Variants in EXOC6 observed in about 807,000 individuals in gnomAD.
The protein encoded by EXOC6 is SEC15-like 1.
EXOC6 carries 60 observed loss-of-function variants against 112.5 expected under a neutral mutation model. That is an observed-to-expected ratio of 0.53 (90% CI 0.43 to 0.66). The LOEUF (loss-of-function observed/expected upper bound fraction) is 0.66. Among genes scored for constraint, EXOC6 ranks in the 30% least tolerant of loss-of-function variants. EXOC6 has a pLI of 0.00. For missense variants in EXOC6, 855 were observed against 957.1 expected (o/e 0.89, Z 1.41); for synonymous variants, 295 against 308.0 (o/e 0.96, Z 0.44).
At chr10:92,837,097 AACACACACACAC>A (rs58871930) in intron 1 of EXOC6, among the ~76,000 whole-genome samples, 58 of 139,854 alleles carry the variant, frequency 4.1e-4, no homozygotes, top group Middle Eastern at 3.7e-3. Context: ...GTTATAACAT[AACACACACACAC>A]ACACACACAC....
intron 1 of EXOC6, among the ~76,000 whole-genome samples, chr10:92,856,282 G>A (rs1847597624): frequency 6.6e-6 from 1 of 151,766 alleles, no homozygotes; most frequent in South Asian, 2.1e-4. Context: ...CCTTACGATG[G>A]AAGTTTGGGT....
chr10:92,920,377 G>C (rs1289490621), intron 8 of EXOC6, among the ~76,000 whole-genome samples: 4 of 151,986 alleles, frequency 2.6e-5, no homozygotes, highest in Non-Finnish European at 5.9e-5. Flanking sequence ...TTGATTTAAT[G>C]TTCCTTTTTA....
intron 20 of EXOC6, among the ~76,000 whole-genome samples, chr10:93,050,689 G>A (rs181267802): frequency 4.4e-4 from 65 of 147,414 alleles, no homozygotes; most frequent in African/African-American, 1.6e-3. Context: ...GAACCTGGGA[G>A]GTGGAGGTTG....
chr10:93,019,754 T>C (rs2134253784), intron 20 of EXOC6, among the ~76,000 whole-genome samples: 1 of 152,324 alleles, frequency 6.6e-6, no homozygotes, highest in South Asian at 2.1e-4. Context: ...AATGTCACTT[T>C]CTGGCAGGCC....
At chr10:92,859,237 T>G (rs1401155309) in intron 1 of EXOC6, among the ~76,000 whole-genome samples, 1 of 152,180 alleles carries the variant, frequency 6.6e-6, no homozygotes, top group Non-Finnish European at 1.5e-5. Context: ...TTTGTGTGCT[T>G]GTTTAGTGGC....
intron 1 of EXOC6, among the ~76,000 whole-genome samples, chr10:92,867,667 A>G (rs1256214170): frequency 6.6e-6 from 1 of 152,184 alleles, no homozygotes; most frequent in Non-Finnish European, 1.5e-5. Flanking sequence ...ATATGTGCCA[A>G]AGATTGTATT....
Position 92,977,264 on chromosome 10 carries a change from A to G in EXOC6, c.1953+3032A>G, listed in dbSNP as rs186275928. Among the ~76,000 whole-genome samples the G allele has an allele frequency of 5.8e-3, 815 of 139,568 alleles. 2 individuals carry two copies. The highest frequency in any genetic ancestry group is 0.011 in the Non-Finnish European group (697 of 62,780). The allele number at this position is 139,568 out of a possible 152,430, so 91.6% of individuals were successfully genotyped here. On this transcript the variant is annotated intron_variant, in intron 18 of 21. Transcript: ENST00000260762. ...GCCCAACCATCCTCTCTCTGCTTGG[A>G]ATGGGGAAAAAAAAAGGTAATTTTC...
At chr10:92,922,886 T>C (rs183675034) in intron 8 of EXOC6, among the ~76,000 whole-genome samples, 70 of 152,298 alleles carry the variant, frequency 4.6e-4, no homozygotes, top group African/African-American at 1.6e-3. Context: ...TAAGGGTATG[T>C]GAAGGCTTTC....
intron 5 of EXOC6, among the ~76,000 whole-genome samples, chr10:92,908,342 A>C (rs1011763757): frequency 6.6e-6 from 1 of 152,108 alleles, no homozygotes; most frequent in Non-Finnish European, 1.5e-5. Flanking sequence ...GGTGTGAGCC[A>C]CCACACCTGG....
chr10:92,952,215 T>A (rs1487159617), intron 14 of EXOC6, 58 bp from the exon 15 acceptor site: 6 of 1,014,840 alleles, frequency 5.9e-6, no homozygotes, highest in Non-Finnish European at 9.1e-6. Context: ...CATTTTTTAG[T>A]GATTAGCATG....
chr10:92,900,759 G>A (rs546069485), intron 5 of EXOC6: 1 of 149,528 alleles, frequency 6.7e-6, no homozygotes, highest in South Asian at 2.1e-4. Context: ...GATTATTTTG[G>A]TATTTATATT....
chr10:92,922,297 G>C (rs537354663), intron 8 of EXOC6, among the ~76,000 whole-genome samples: 4 of 152,134 alleles, frequency 2.6e-5, no homozygotes, highest in African/African-American at 9.6e-5. Flanking sequence ...TGTTATTCCA[G>C]TTCTGCCATT....
intron 18 of EXOC6, among the ~76,000 whole-genome samples, chr10:92,989,047 C>G (rs1282558624): frequency 1.3e-5 from 2 of 152,178 alleles, no homozygotes; most frequent in African/African-American, 4.8e-5. Context: ...TTTTATGGTC[C>G]TGTTTTTATT....
In EXOC6 at chr10:92,954,689, T is replaced by C; in HGVS notation, c.1586T>C (p.Leu529Ser). ...ACAAATCTGCTGCTGACCAGAACTT[T>C]GAGTAGCTGTTTACTGAACCTTATT... ...KSTNLLLTRT[L>S]SSCLLNLIRK... The change falls in exon 16 of 22, where the codon TTG becomes TCG. Residue 529 changes from leucine (L) to serine (S), a missense_variant. Around this residue, in one of 2 missense-constraint regions of EXOC6, gnomAD observed 450 missense variants for 563.5 expected, o/e 0.80. Coordinates refer to ENST00000260762, the MANE Select transcript of EXOC6 (RefSeq NM_019053.6). The C allele has an allele frequency of 6.2e-7, 1 of 1,609,880 alleles. No individual in the cohort carries two copies. Among genetic ancestry groups the C allele is most frequent in the Non-Finnish European group, 8.5e-7 (1 of 1,177,178 alleles).
intron 20 of EXOC6, among the ~76,000 whole-genome samples, chr10:93,017,659 T>C (rs553569271): frequency 6.6e-6 from 1 of 152,166 alleles, no homozygotes; most frequent in Admixed American, 6.5e-5. Context: ...AATCTCAGAC[T>C]TCACCACTAT....
intron 20 of EXOC6, among the ~76,000 whole-genome samples, chr10:93,024,016 C>G (rs1844905971): frequency 6.6e-6 from 1 of 152,128 alleles, no homozygotes; most frequent in Non-Finnish European, 1.5e-5. Flanking sequence ...GAAGGTGTCT[C>G]TCACTTTCAT....
At chr10:92,911,872 T>C (rs1035402506) in intron 6 of EXOC6, among the ~76,000 whole-genome samples, 2 of 151,878 alleles carry the variant, frequency 1.3e-5, no homozygotes, top group Non-Finnish European at 2.9e-5. Context: ...TTGGTATCCC[T>C]TCATGCTACC....
chr10:92,875,656 G>T (rs940353939), intron 1 of EXOC6, among the ~76,000 whole-genome samples: 9 of 151,892 alleles, frequency 5.9e-5, no homozygotes, highest in African/African-American at 2.2e-4. Flanking sequence ...AAATATAGAA[G>T]AATAGAGAGC....
At chr10:92,893,981 C>A (rs1015231815) in intron 2 of EXOC6, among the ~76,000 whole-genome samples, 2 of 152,118 alleles carry the variant, frequency 1.3e-5, no homozygotes, top group Admixed American at 1.3e-4. Context: ...ACACTTTCTG[C>A]CATACAGCTA....
Sources: allele counts gnomAD v4.1 joint callset (sites outside exome capture counted in the v4.1 genomes callset), GRCh38; gene constraint gnomAD v4.1.1; regional missense constraint gnomAD v4.1.1; transcripts MANE v1.5; gene names NCBI Gene and HGNC (gene_info 2026-07-23, HGNC 2026-07-21).